Variants in ATP10B observed in about 807,000 individuals in gnomAD.
The protein encoded by ATP10B is phospholipid-transporting ATPase VB.
Under a neutral mutation model 141.2 loss-of-function variants are expected in ATP10B, and 122 were observed. That is an observed-to-expected ratio of 0.86 (90% CI 0.75 to 1.00). The LOEUF (loss-of-function observed/expected upper bound fraction) is 1.00, where lower values mean the gene tolerates loss of function less well. ATP10B is among the 50% of genes least tolerant of loss of function. The pLI is 0.00. For missense variants in ATP10B, 1,876 were observed against 1,825.3 expected (o/e 1.03, Z -0.51); for synonymous variants, 685 against 692.0 (o/e 0.99, Z 0.16).
rs1163430449 is a variant in ATP10B at position 160,755,863 on chromosome 5, ATATATATATATAT to A, written c.-331+29683_-331+29695del. Among the ~76,000 whole-genome samples the A allele has an allele frequency of 9.2e-4, 114 of 123,706 alleles. 2 individuals are homozygous for A. Among genetic ancestry groups the A allele is most frequent in the African/African-American group, 3.8e-3 (109 of 28,396 alleles). 81.2% of individuals were successfully genotyped at this position (123,706 alleles called of 152,430 possible). A position where few individuals can be genotyped will look rare whatever the true frequency, so the allele number is the denominator to read the frequency against. On this transcript the variant is annotated intron_variant, in intron 2 of 25. Transcript: ENST00000327245. ...AATATATATATATATATATATATAT[ATATATATATATAT>A]ATTATAATTTTATGGAACCACTGTC...
At chr5:160,923,166 G>T in the ATP10B span, among the ~76,000 whole-genome samples, 13 of 152,222 alleles carry the variant, frequency 8.5e-5, no homozygotes, top group Non-Finnish European at 1.6e-4. Flanking sequence ...GCAAGGAAGA[G>T]CAGGGCAGCT....
At chr5:160,715,477 G>T (rs1392128985) in intron 3 of ATP10B, among the ~76,000 whole-genome samples, 1 of 142,306 alleles carries the variant, frequency 7.0e-6, no homozygotes, top group South Asian at 2.4e-4. Context: ...TTCGGCTCGC[G>T]CACGGTGCGC....
chr5:160,637,206 A>G (rs1184762051), intron 10 of ATP10B, among the ~76,000 whole-genome samples: 1 of 150,378 alleles, frequency 6.6e-6, no homozygotes, highest in Non-Finnish European at 1.5e-5. Flanking sequence ...TCATCTATCT[A>G]TTCATCCATC....
the ATP10B span, among the ~76,000 whole-genome samples, chr5:160,877,063 G>C: frequency 6.6e-6 from 1 of 152,062 alleles, no homozygotes; most frequent in Non-Finnish European, 1.5e-5. Flanking sequence ...TGATACCAAA[G>C]CCGGACAGAG....
chr5:160,768,822 T>C (rs567976586), intron 2 of ATP10B, among the ~76,000 whole-genome samples: 1 of 152,312 alleles, frequency 6.6e-6, no homozygotes, highest in South Asian at 2.1e-4. Context: ...GCCTACTGTT[T>C]CTCTTTTCTT....
intron 3 of ATP10B, among the ~76,000 whole-genome samples, chr5:160,689,294 G>C (rs984588873): frequency 6.6e-6 from 1 of 152,190 alleles, no homozygotes; most frequent in Non-Finnish European, 1.5e-5. Flanking sequence ...AAAGCTGGAA[G>C]CATTCCCTTT....
At position 160,847,925 on chromosome 5, in the gene ATP10B, T is replaced by C. The variant is rs181621939; in HGVS notation, c.-576+4016A>G. The stretch of plus-strand genomic sequence containing the variant: ...ATACAATGAAATTACCTTTGAGCTC[T>C]GATATGTATATCAGCGCCCACATCT... On this transcript the variant is annotated intron_variant, in intron 1 of 25. Transcript: ENST00000327245. 3.9e-5 allele frequency among the ~76,000 whole-genome samples: 6 copies of C among 152,302 alleles called. No individual in the cohort carries two copies. In the East Asian group the frequency reaches 1.2e-3, roughly 29 times the overall value.
At position 160,606,772 on chromosome 5, in the gene ATP10B, A is replaced by G. The variant is rs1319560560; in HGVS notation, c.3153T>C (p.Leu1051=). 1.9e-6 allele frequency: 3 copies of G among 1,612,190 alleles called. No homozygotes were observed. In the South Asian group the frequency reaches 3.3e-5, roughly 18 times the overall value. ...TCTCAGTATGATGGGTACCTATGGA[A>G]AGGGTCATGACGCGCAACTTGTCTC... ...LVRDKLRVMT[L]SIGDGANDVS... The change falls in exon 19 of 26, where the codon CTT becomes CTC. Residue 1051 remains leucine, a synonymous_variant. Coordinates refer to ENST00000327245, the MANE Select transcript of ATP10B (RefSeq NM_025153.3).
intron 1 of ATP10B, among the ~76,000 whole-genome samples, chr5:160,826,400 A>T (rs1774604842): frequency 6.6e-6 from 1 of 152,176 alleles, no homozygotes; most frequent in African/African-American, 2.4e-5. Flanking sequence ...TCCCAAATTA[A>T]TACTTTTATA....
intron 7 of ATP10B, among the ~76,000 whole-genome samples, chr5:160,650,118 T>A (rs956058091): frequency 9.6e-5 from 14 of 146,054 alleles, no homozygotes; most frequent in Admixed American, 2.0e-4. Flanking sequence ...AAAAAAAATT[T>A]TATATATATA....
At chr5:160,773,816 C>G (rs954922869) in intron 2 of ATP10B, among the ~76,000 whole-genome samples, 3 of 150,766 alleles carry the variant, frequency 2.0e-5, no homozygotes, top group African/African-American at 7.3e-5. Flanking sequence ...GCCTGGCAGA[C>G]AGTCTTATTG....
At chr5:160,870,590 G>C in the ATP10B span, among the ~76,000 whole-genome samples, 1 of 151,860 alleles carries the variant, frequency 6.6e-6, no homozygotes, top group Non-Finnish European at 1.5e-5. Context: ...AACTAAAAAA[G>C]ACGTAACATA....
intron 3 of ATP10B, among the ~76,000 whole-genome samples, chr5:160,700,435 G>C (rs1561768220): frequency 6.6e-6 from 1 of 152,148 alleles, no homozygotes; most frequent in Non-Finnish European, 1.5e-5. Context: ...CTTATGTCAA[G>C]TCCAGGGGGA....
the ATP10B span, among the ~76,000 whole-genome samples, chr5:160,918,309 AC>A: frequency 1.3e-5 from 2 of 152,218 alleles, no homozygotes; most frequent in Non-Finnish European, 2.9e-5. Context: ...GTAATAAACT[AC>A]AGAGCTAGAA....
chr5:160,856,834 T>C (rs1754011803), upstream of ATP10B, among the ~76,000 whole-genome samples: 1 of 151,858 alleles, frequency 6.6e-6, no homozygotes, highest in Non-Finnish European at 1.5e-5. Flanking sequence ...GATCATGTAA[T>C]TTTTCTGCTT....
At chr5:160,684,909 C>T in intron 6 of ATP10B, 1 of 703,364 alleles carries the variant, frequency 1.4e-6, no homozygotes, top group Non-Finnish European at 2.6e-6. Flanking sequence ...CCCAAGCGTC[C>T]TTGATGGCAG....
intron 1 of ATP10B, among the ~76,000 whole-genome samples, chr5:160,823,031 T>TATATAC (rs1774294508): frequency 8.3e-6 from 1 of 119,822 alleles, no homozygotes; most frequent in Non-Finnish European, 1.8e-5. Flanking sequence ...TATATATATA[T>TATATAC]ATATAAAATA....
rs571110656 is a variant in ATP10B, at chr5:160,809,547, T to C, written c.-575-23744A>G. 1.1e-3 allele frequency among the ~76,000 whole-genome samples: 162 copies of C among 152,344 alleles called. 1 individual carries two copies. Among genetic ancestry groups the C allele is most frequent in the Middle Eastern group, 6.8e-3 (2 of 294 alleles). On this transcript the variant is annotated intron_variant, in intron 1 of 25. Transcript: ENST00000327245. ...TTATCATTTCTATGTGTTGGGAACATTCAATATCCTCTTTCTAGCTATTTG... is the reference window on the plus strand; with the variant it reads ...TTATCATTTCTATGTGTTGGGAACACTCAATATCCTCTTTCTAGCTATTTG...
the ATP10B span, among the ~76,000 whole-genome samples, chr5:160,869,478 G>A: frequency 2.0e-5 from 3 of 150,978 alleles, no homozygotes; most frequent in East Asian, 1.9e-4. Context: ...TTCAGTTGGG[G>A]AAAAAAAAAG....
Sources: gnomAD v4.1 joint callset for allele counts (sites outside exome capture counted in the v4.1 genomes callset) on GRCh38, gnomAD v4.1.1 for gene constraint, MANE v1.5 for transcripts, NCBI Gene and HGNC (gene_info 2026-07-23, HGNC 2026-07-21) for gene names.